CSMD1: variants seen among roughly 807,000 people sequenced by gnomAD.
CSMD1 encodes CUB and sushi domain-containing protein 1.
In CSMD1, 213 loss-of-function variants were observed where a neutral mutation model predicts 417.5. The observed-to-expected ratio is 0.51, with a 90% CI of 0.46 to 0.57. The LOEUF is 0.57. CSMD1 is among the 20% of genes least tolerant of loss of function. CSMD1 has a pLI of 0.00. For synonymous variants in CSMD1, 2,862 were observed against 1,736.8 expected, an observed-to-expected ratio of 1.65 and a Z score of -16.11; for missense variants, 6,923 against 4,529.7, an observed-to-expected ratio of 1.53 and a Z score of -15.17.
intron 5 of CSMD1, among the ~76,000 whole-genome samples, chr8:3,823,069 T>G (rs73506714): frequency 0.048 from 7,235 of 152,200 alleles, 188 homozygotes; most frequent in South Asian, 0.065. Context: ...CGGAAGAGAT[T>G]TCAAGAGGAA....
intron 2 of CSMD1, among the ~76,000 whole-genome samples, chr8:4,523,455 A>G (rs919284860): frequency 1.3e-5 from 2 of 152,180 alleles, no homozygotes; most frequent in African/African-American, 4.8e-5. Flanking sequence ...CTCATAATAA[A>G]GTAAATATTG....
chr8:3,396,183 G>C lies in CSMD1; in HGVS notation c.2593+11C>G, dbSNP rs567733625. ...TGCCCTGCCGGGCTGTCAAGGGAAG[G>C]TGCAACTCACTCTCATAGTGGATGA... On this transcript the variant is annotated intron_variant, in intron 17 of 69. Transcript: ENST00000635120. The C allele has an allele frequency of 1.3e-6, 2 of 1,554,268 alleles. No homozygotes were observed. Among genetic ancestry groups the C allele is most frequent in the Non-Finnish European group, 1.7e-6 (2 of 1,149,020 alleles).
intron 52 of CSMD1, among the ~76,000 whole-genome samples, chr8:3,016,533 T>G (rs1808849791): frequency 6.6e-6 from 1 of 152,216 alleles, no homozygotes; most frequent in Non-Finnish European, 1.5e-5. Context: ...GTTACAGTGG[T>G]AGCTGCAAAA....
chr8:3,439,307 A>AT (rs1356132702), intron 12 of CSMD1, among the ~76,000 whole-genome samples: 75 of 43,778 alleles, frequency 1.7e-3, no homozygotes, highest in Admixed American at 5.1e-3. Context: ...ATATATATAT[A>AT]TATTTTTTTT....
At chr8:3,569,975 A>T (rs1255104283) in intron 10 of CSMD1, among the ~76,000 whole-genome samples, 1 of 152,254 alleles carries the variant, frequency 6.6e-6, no homozygotes, top group Non-Finnish European at 1.5e-5. Context: ...TTAATTATTA[A>T]GTCCTCACAA....
chr8:4,749,130 T>A (rs191177846), intron 1 of CSMD1, among the ~76,000 whole-genome samples: 274 of 152,390 alleles, frequency 1.8e-3, no homozygotes, highest in African/African-American at 6.3e-3. Flanking sequence ...CTGCCACATC[T>A]AATATTGTCA....
intron 46 of CSMD1, among the ~76,000 whole-genome samples, chr8:3,098,047 C>T (rs76183310): frequency 1.1e-3 from 167 of 152,312 alleles, no homozygotes; most frequent in African/African-American, 3.9e-3. Flanking sequence ...CAAAGCAAAA[C>T]ACTAGAGTCT....
At chr8:4,908,061 T>A in intron 1 of CSMD1, among the ~76,000 whole-genome samples, 1 of 152,218 alleles carries the variant, frequency 6.6e-6, no homozygotes, top group East Asian at 1.9e-4. Flanking sequence ...TTTCCATTAA[T>A]TTAAGGTGGT....
intron 11 of CSMD1, among the ~76,000 whole-genome samples, chr8:3,472,038 C>T (rs764772424): frequency 8.5e-5 from 13 of 152,144 alleles, no homozygotes; most frequent in Non-Finnish European, 1.5e-4. Context: ...ACTTATGCCA[C>T]CATGCAACAT....
intron 5 of CSMD1, among the ~76,000 whole-genome samples, chr8:3,861,232 G>A (rs985647527): frequency 9.2e-5 from 14 of 152,156 alleles, no homozygotes; most frequent in African/African-American, 2.9e-4. Flanking sequence ...AGTCGCCTGT[G>A]GGTTTCTAAC....
At chr8:4,902,060 A>G (rs1181613161) in intron 1 of CSMD1, among the ~76,000 whole-genome samples, 1 of 152,194 alleles carries the variant, frequency 6.6e-6, no homozygotes, top group Non-Finnish European at 1.5e-5. Flanking sequence ...ATGGACTTAC[A>G]TTAAAGAATA....
intron 25 of CSMD1, among the ~76,000 whole-genome samples, chr8:3,292,578 G>A (rs991616622): frequency 6.6e-6 from 1 of 152,182 alleles, no homozygotes; most frequent in African/African-American, 2.4e-5. Context: ...TTACCATTAT[G>A]TAATGGCCTT....
At chr8:3,375,125 A>G (rs1391630130) in intron 18 of CSMD1, 1 of 152,128 alleles carries the variant, frequency 6.6e-6, no homozygotes, top group Non-Finnish European at 1.5e-5. Context: ...CCACATGTAC[A>G]TGTTAAACAC....
intron 3 of CSMD1, among the ~76,000 whole-genome samples, chr8:4,078,355 CGCAG>C (rs1224717662): frequency 7.6e-6 from 1 of 132,094 alleles, no homozygotes; most frequent in Non-Finnish European, 1.5e-5. Context: ...TGCTCTGTGT[CGCAG>C]GCTGGAGTGC....
In CSMD1 at chr8:3,719,875, T is replaced by C. The variant is rs2623555; in HGVS notation, c.932-11384A>G. ...AGTTGTAAGAAAGACTTAATCATTG[T>C]TCTGGAACTCATTAGAGATGTCACC... On this transcript the variant is annotated intron_variant, in intron 6 of 69. Coordinates refer to ENST00000635120, the MANE Select transcript of CSMD1 (RefSeq NM_033225.6). Among the ~76,000 whole-genome samples, 655 of 152,298 alleles carry C rather than the reference T, an allele frequency of 4.3e-3. 11 individuals carry two copies. In the East Asian group the frequency reaches 0.069, roughly 16 times the overall value.
intron 11 of CSMD1, among the ~76,000 whole-genome samples, chr8:3,473,994 A>G (rs7812389): frequency 0.091 from 13,854 of 152,126 alleles, 881 homozygotes; most frequent in African/African-American, 0.18. Flanking sequence ...AAACTCCTTC[A>G]CCATTATGAG....
At chr8:4,832,656 A>G (rs796397772) in intron 1 of CSMD1, among the ~76,000 whole-genome samples, 3 of 152,322 alleles carry the variant, frequency 2.0e-5, no homozygotes, top group East Asian at 1.9e-4. Flanking sequence ...CTTTAAATAT[A>G]TATTCTCATA....
At chr8:4,820,116 G>C (rs1440607610) in intron 1 of CSMD1, among the ~76,000 whole-genome samples, 1 of 152,078 alleles carries the variant, frequency 6.6e-6, no homozygotes, top group Non-Finnish European at 1.5e-5. Context: ...ATCTGAGCTG[G>C]GACAGAGGCT....
intron 5 of CSMD1, among the ~76,000 whole-genome samples, chr8:3,863,801 A>C (rs1013881847): frequency 6.6e-6 from 1 of 152,230 alleles, no homozygotes; most frequent in South Asian, 2.1e-4. Flanking sequence ...AAATTCTACA[A>C]TCTTCTATTA....
Sources: allele counts gnomAD v4.1 joint callset (sites outside exome capture counted in the v4.1 genomes callset), GRCh38; gene constraint gnomAD v4.1.1; transcripts MANE v1.5; gene names NCBI Gene and HGNC (gene_info 2026-07-23, HGNC 2026-07-21).